The following CPT1C variants were observed in gnomAD, a reference collection of about 807,000 sequenced individuals.
The protein encoded by CPT1C is carnitine palmitoyltransferase 1C.
CPT1C carries 61 observed loss-of-function variants against 97.3 expected under a neutral mutation model. The observed-to-expected ratio is 0.63, with a 90% CI of 0.51 to 0.78. The LOEUF (loss-of-function observed/expected upper bound fraction) is 0.78, where lower values mean the gene tolerates loss of function less well. Among genes scored for constraint, CPT1C ranks in the 30% least tolerant of loss-of-function variants. CPT1C has a pLI of 0.00. For missense variants in CPT1C, 975 were observed against 1,065.5 expected (o/e 0.92, Z 1.18); for synonymous variants, 469 against 447.2 (o/e 1.05, Z -0.61).
Position 49,706,937 on chromosome 19 carries a change from A to G in CPT1C, c.1343+524A>G, listed in dbSNP as rs1322199666. 6.6e-6 allele frequency among the ~76,000 whole-genome samples: 1 copy of G among 152,034 alleles called. No homozygotes were observed. The highest frequency in any genetic ancestry group is 1.5e-5 in the Non-Finnish European group (1 of 68,012). On this transcript the variant is annotated intron_variant, in intron 12 of 19. Transcript: ENST00000598293. This position sits in a 1 kb window ranked among gnomAD's most constrained non-coding sequence, Gnocchi z 4.8. ...AGGGGGGTCCCGCTGACCTCCCAGC[A>G]CCCCCAAAAGCCTTGAACCTTCCTC...
Position 49,710,808 on chromosome 19 carries a change from C to G in CPT1C, c.1817C>G (p.Thr606Arg), listed in dbSNP as rs1227563224. 2 of 1,613,828 alleles carry G rather than the reference C, an allele frequency of 1.2e-6. No individual in the cohort carries two copies. Among genetic ancestry groups the G allele is most frequent in the Admixed American group, 1.7e-5 (1 of 59,990 alleles). The change falls in exon 16 of 20, where the codon ACG becomes AGG. Residue 606 changes from threonine (T) to arginine (R), a missense_variant. Thr to Arg is a moderately conservative substitution (Grantham distance 71, BLOSUM62 -1). This residue lies in a region of CPT1C where 344 missense variants were observed against 395.7 expected (regional missense o/e 0.87). Transcript: ENST00000598293. The part of the protein sequence containing the change: ...EGRTETVRSC[T>R]REACNFVRAM... ...CGGACGGAGACGGTGCGGTCTTGCACGAGGGAGGCCTGCAACTTTGTCAGG... is the reference window on the plus strand; with the variant it reads ...CGGACGGAGACGGTGCGGTCTTGCAGGAGGGAGGCCTGCAACTTTGTCAGG...
intron 3 of CPT1C, 75 bp downstream of exon 3, chr19:49,692,468 G>C: frequency 1.9e-6 from 3 of 1,557,140 alleles, no homozygotes; most frequent in Admixed American, 1.8e-5. Flanking sequence ...GCTCACTTCC[G>C]GCATTTCAGC....
chr19:49,709,787 C>T (rs1005686735), intron 14 of CPT1C, among the ~76,000 whole-genome samples: 1 of 151,930 alleles, frequency 6.6e-6, no homozygotes, highest in African/African-American at 2.4e-5. Context: ...AACTCCTGAC[C>T]TCAGGTGATC....
chr19:49,701,230 T>A (rs1211793323), intron 5 of CPT1C, 87 bp from the exon 6 acceptor site: 1 of 1,090,094 alleles, frequency 9.2e-7, no homozygotes, highest in South Asian at 1.5e-5. Context: ...TCCTTCTCTT[T>A]GGGTTTCTGT....
At chr19:49,702,025 T>TAAA (rs56183107) in intron 7 of CPT1C, among the ~76,000 whole-genome samples, 6,508 of 8,752 alleles carry the variant, frequency 0.74, 2,509 homozygotes, top group South Asian at 0.8. Context: ...TATTTATAAA[T>TAAA]TATAAATATA....
Position 49,706,181 on chromosome 19 carries a change from C to A in CPT1C, c.1161-50C>A. 1.3e-6 allele frequency: 2 copies of A among 1,548,450 alleles called. No homozygotes were observed. The highest frequency in any genetic ancestry group is 1.7e-6 in the Non-Finnish European group (2 of 1,147,238). ...GAGACTGTGGAAGGGCAGGGTGGGGCCAGGTGGCGGCTGGGCAGGATGGAC... is the reference window on the plus strand; with the variant it reads ...GAGACTGTGGAAGGGCAGGGTGGGGACAGGTGGCGGCTGGGCAGGATGGAC... On this transcript the variant is annotated intron_variant, in intron 11 of 19. Transcript: ENST00000598293. The surrounding 1 kb of genome is among the most constrained non-coding windows in gnomAD (Gnocchi z 4.8).
chr19:49,697,435 T>C lies in CPT1C; in HGVS notation c.251T>C (p.Met84Thr), dbSNP rs1300003071. Residue 84 changes from methionine (M) to threonine (T), a missense_variant, in exon 4 of 20, where the codon ATG (methionine) becomes ACG (threonine). Physicochemically the swap from Met to Thr is moderately conservative, Grantham distance 81 (BLOSUM62 -1). Coordinates refer to ENST00000598293, the MANE Select transcript of CPT1C (RefSeq NM_001199753.2). ...CAGCTGGATCCTTCCTTAGGACTGATGGAGAAGATCAAAGAGTTGCTGCCT... is the reference window on the plus strand; with the variant it reads ...CAGCTGGATCCTTCCTTAGGACTGACGGAGAAGATCAAAGAGTTGCTGCCT... ...FLQLDPSLGLMEKIKELLPDW... is the reference protein window; with the variant it reads ...FLQLDPSLGLTEKIKELLPDW... 1 of 1,614,116 alleles carries C rather than the reference T, an allele frequency of 6.2e-7. No homozygotes were observed. Among genetic ancestry groups the C allele is most frequent in the Non-Finnish European group, 8.5e-7 (1 of 1,180,014 alleles).
chr19:49,699,044 A>G (rs1037375774), intron 4 of CPT1C, among the ~76,000 whole-genome samples: 1 of 151,700 alleles, frequency 6.6e-6, no homozygotes, highest in African/African-American at 2.4e-5. Flanking sequence ...CGGAGCTTGC[A>G]GTGAGGCGAG....
chr19:49,701,681 T>C (rs1436552085), intron 7 of CPT1C, 47 bp downstream of exon 7: 7 of 1,538,846 alleles, frequency 4.5e-6, no homozygotes, highest in Middle Eastern at 1.8e-4. Flanking sequence ...GGGCTAAGGT[T>C]GTGAGCTCGC....
chr19:49,691,811 G>C lies in CPT1C; in HGVS notation c.-83-10G>C, dbSNP rs1447377604. 2 of 166,610 alleles carry C rather than the reference G, an allele frequency of 1.2e-5. No individual in the cohort carries two copies. Among genetic ancestry groups the C allele is most frequent in the Non-Finnish European group, 2.6e-5 (2 of 76,906 alleles). 10.3% of individuals were successfully genotyped at this position (166,610 alleles called of 1,614,324 possible). A position where few individuals can be genotyped will look rare whatever the true frequency, so the allele number is the denominator to read the frequency against. ...CGAGCTATCCCTCTGGCCTCTCTAT[G>C]CGTTCCCAGAGGTCCCGAATTGACG... On this transcript the variant is annotated splice_polypyrimidine_tract_variant and intron_variant, in intron 1 of 19. Coordinates refer to ENST00000598293, the MANE Select transcript of CPT1C (RefSeq NM_001199753.2).
rs761100138 is a variant in CPT1C at position 49,705,203 on chromosome 19, G to T, written c.880-11G>T. On this transcript the variant is annotated splice_polypyrimidine_tract_variant and intron_variant, in intron 9 of 19. Transcript: ENST00000598293. ...CCTGGAAGGCAGCTCACAGCCCACG[G>T]TTTCCTGCAGACTTTGCTGATGGGA... The T allele has an allele frequency of 1.2e-6, 2 of 1,614,172 alleles. No individual in the cohort carries two copies. Among genetic ancestry groups the T allele is most frequent in the Non-Finnish European group, 1.7e-6 (2 of 1,180,016 alleles).
In CPT1C at chr19:49,710,330, C is replaced by G. The variant is rs1160780137; in HGVS notation, c.1577C>G (p.Ser526Cys). The G allele has an allele frequency of 1.2e-6, 2 of 1,614,002 alleles. No homozygotes were observed. Among genetic ancestry groups the G allele is most frequent in the South Asian group, 1.1e-5 (1 of 91,090 alleles). The change falls in exon 15 of 20, where the codon TCC becomes TGC. Residue 526 changes from serine to cysteine, a missense_variant. Around this residue, in one of 3 missense-constraint regions of CPT1C, gnomAD observed 344 missense variants for 395.7 expected, o/e 0.87. Coordinates refer to ENST00000598293, the MANE Select transcript of CPT1C (RefSeq NM_001199753.2). Reference protein sequence around the residue: ...QWDLPDQIHSSISLALRGAKI... With the variant: ...QWDLPDQIHSCISLALRGAKI... ...CTCCTCCTCTGGCAGATCCACTCCTCCATCTCTCTAGCCCTGAGGGGAGCC... is the reference window on the plus strand; with the variant it reads ...CTCCTCCTCTGGCAGATCCACTCCTGCATCTCTCTAGCCCTGAGGGGAGCC...
In CPT1C at chr19:49,701,342, G is replaced by C; in HGVS notation, c.479G>C (p.Arg160Pro). The change falls in exon 6 of 20, where the codon CGC becomes CCC. Residue 160 changes from arginine (R) to proline (P), a missense_variant. Arg to Pro is a moderately radical substitution (Grantham distance 103, BLOSUM62 -2). Transcript: ENST00000598293. ...WLALVRIFSGRHPMLFSYQRS... is the reference protein window; with the variant it reads ...WLALVRIFSGPHPMLFSYQRS... ...GCCCTGGTCCGCATCTTCTCTGGCC[G>C]CCACCCGATGCTGTTCAGTTACCAG... 1.2e-6 allele frequency: 2 copies of C among 1,613,132 alleles called. No individual in the cohort carries two copies. Among genetic ancestry groups the C allele is most frequent in the Non-Finnish European group, 1.7e-6 (2 of 1,179,832 alleles).
Position 49,706,178 on chromosome 19 carries a change from G to A in CPT1C, c.1161-53G>A. The A allele has an allele frequency of 6.5e-7, 1 of 1,549,826 alleles. No homozygotes were observed. Among genetic ancestry groups the A allele is most frequent in the South Asian group, 1.2e-5 (1 of 81,970 alleles). ...CCTGAGACTGTGGAAGGGCAGGGTG[G>A]GGCCAGGTGGCGGCTGGGCAGGATG... On this transcript the variant is annotated intron_variant, in intron 11 of 19. Transcript: ENST00000598293. The surrounding 1 kb of genome is among the most constrained non-coding windows in gnomAD (Gnocchi z 4.8).
chr19:49,697,793 A>C, intron 4 of CPT1C: 1 of 216,056 alleles, frequency 4.6e-6, no homozygotes, highest in Non-Finnish European at 9.1e-6. Context: ...CATGCCTGTA[A>C]TCCCAGCACT....
rs146969596 is a variant in CPT1C, at chr19:49,691,451, C to CA, written c.-84+112dup. ...TGTCCTCGACGCTCGCCTCCGCTCA[C>CA]AGCCTCAGCATCCCAGGCTGCGAGG... On this transcript the variant is annotated intron_variant, in intron 1 of 19. Transcript: ENST00000598293. 884 of 152,204 alleles carry CA rather than the reference C, an allele frequency of 5.8e-3. 5 individuals are homozygous for CA. Among genetic ancestry groups the CA allele is most frequent in the Middle Eastern group, 0.027 (8 of 296 alleles). 9.4% of individuals were successfully genotyped at this position (152,204 alleles called of 1,614,324 possible). A position where few individuals can be genotyped will look rare whatever the true frequency, so the allele number is the denominator to read the frequency against.
At chr19:49,701,828 A>T (rs914866981) in intron 7 of CPT1C, among the ~76,000 whole-genome samples, 194 bp downstream of exon 7, 2 of 124,732 alleles carry the variant, frequency 1.6e-5, no homozygotes, top group African/African-American at 6.0e-5. Flanking sequence ...TATATATAAA[A>T]ATATATATGT....
chr19:49,707,093 G>C (rs2083543152), intron 12 of CPT1C, among the ~76,000 whole-genome samples: 1 of 151,878 alleles, frequency 6.6e-6, no homozygotes, highest in Non-Finnish European at 1.5e-5. Context: ...TGGCCAATAT[G>C]GTGAAACCTC....
At chr19:49,694,084 T>TAAAA (rs66806048) in intron 3 of CPT1C, among the ~76,000 whole-genome samples, 10 of 136,846 alleles carry the variant, frequency 7.3e-5, no homozygotes, top group Non-Finnish European at 1.4e-4. Context: ...TAAAATAAAA[T>TAAAA]AAAAAATAAA....
Sources: gnomAD v4.1 joint callset for allele counts (sites outside exome capture counted in the v4.1 genomes callset) on GRCh38, gnomAD v4.1.1 for gene constraint, gnomAD v4.1.1 regional missense constraint, Gnocchi (gnomAD v3.1) non-coding constraint, MANE v1.5 for transcripts, NCBI Gene and HGNC (gene_info 2026-07-23, HGNC 2026-07-21) for gene names.